DYSF: variants seen among roughly 807,000 people sequenced by gnomAD.
DYSF encodes the protein dysferlin, also known as dystrophy-associated fer-1-like 1.
DYSF carries 212 observed loss-of-function variants against 274.9 expected under a neutral mutation model. The ratio of observed to expected loss-of-function variants is 0.77; its 90% CI spans 0.69 to 0.86. The LOEUF (loss-of-function observed/expected upper bound fraction) is 0.86. DYSF is among the 40% of genes least tolerant of loss of function. The probability of loss-of-function intolerance (pLI) is 0.00; values close to 1 mark genes in which losing one functional copy is unlikely to be tolerated. For synonymous variants in DYSF, 1,091 were observed against 1,078.7 expected (o/e 1.01, Z -0.22); for missense variants, 2,666 against 2,783.2 (o/e 0.96, Z 0.95).
rs754820811 is a variant in DYSF, at chr2:71,526,285, C to T, written c.1215C>T (p.Gly405=). 5.3e-5 allele frequency: 86 copies of T among 1,614,136 alleles called. No individual in the cohort carries two copies. The South Asian group carries it at 7.5e-4, about 14-fold the overall frequency. The part of the protein sequence containing the change: ...DIESNLLRPT[G]VALRGAHFCL... ...AAAGCAACCTGCTCCGGCCCACAGG[C>T]GTAGCCCTGCGAGGAGCCCACTTCT... The change falls in exon 13 of 56, where the codon GGC becomes GGT. Residue 405 remains glycine, a synonymous_variant. Transcript: ENST00000410020.
chr2:71,537,348 C>T lies in DYSF; in HGVS notation c.1494-1809C>T, dbSNP rs143141608. 3.7e-4 allele frequency among the ~76,000 whole-genome samples: 55 copies of T among 148,040 alleles called. 1 individual carries two copies. The East Asian group carries it at 6.0e-3, about 16-fold the overall frequency. The stretch of plus-strand genomic sequence containing the variant: ...GCAACCTCTGCCTCCCAGGTTCAAG[C>T]GATTCTCCTGCCTCAGCCTCCCGAG... On this transcript the variant is annotated intron_variant, in intron 16 of 55. Transcript: ENST00000410020.
chr2:71,504,991 A>G (rs976208616), intron 4 of DYSF, among the ~76,000 whole-genome samples: 5 of 152,168 alleles, frequency 3.3e-5, no homozygotes, highest in Non-Finnish European at 7.3e-5. Context: ...CGTGTCTCCA[A>G]AAAGAGTGTG....
At position 71,681,130 on chromosome 2, in the gene DYSF, G is replaced by A. The variant is rs767001638; in HGVS notation, c.6173+20G>A. The A allele has an allele frequency of 5.6e-6, 9 of 1,607,210 alleles. No individual in the cohort carries two copies. The highest frequency in any genetic ancestry group is 7.7e-6 in the Non-Finnish European group (9 of 1,174,782). On this transcript the variant is annotated intron_variant, in intron 54 of 55. Transcript: ENST00000410020. ...CCCAAGGTCAGTGCCCAGCCCCTGAGCCCCAATGCCCACAGGTCTGGGGGT... is the reference window on the plus strand; with the variant it reads ...CCCAAGGTCAGTGCCCAGCCCCTGAACCCCAATGCCCACAGGTCTGGGGGT...
chr2:71,620,692 G>A, intron 41 of DYSF, 83 bp downstream of exon 41: 1 of 1,345,810 alleles, frequency 7.4e-7, no homozygotes, highest in Admixed American at 2.0e-5. Flanking sequence ...AAATGGGAGG[G>A]GAGAGTGGGA....
chr2:71,658,138 G>A lies in DYSF; in HGVS notation c.4756-740G>A, dbSNP rs375631029. 2.2e-3 allele frequency among the ~76,000 whole-genome samples: 341 copies of A among 152,176 alleles called. 1 individual carries two copies. Among genetic ancestry groups the A allele is most frequent in the South Asian group, 1.0e-2 (48 of 4,818 alleles). ...TTTCTTCTGCCAGATACCCTAAATC[G>A]TCTCTCTCCAGTTCAAAGCTCCACA... On this transcript the variant is annotated intron_variant, in intron 43 of 55. Transcript: ENST00000410020.
rs369161724 is a variant in DYSF at position 71,542,263 on chromosome 2, A to G, written c.1576+3024A>G. Among the ~76,000 whole-genome samples the G allele has an allele frequency of 9.2e-5, 14 of 152,364 alleles. 1 individual carries two copies. In the East Asian group the frequency reaches 2.5e-3, roughly 27 times the overall value. Reference sequence around the variant, plus strand: ...GTAACATTTGCTGTTTATCATCATTAAGATGGGCTTTCTATGTTGCTAATC... The same window carrying G: ...GTAACATTTGCTGTTTATCATCATTGAGATGGGCTTTCTATGTTGCTAATC... On this transcript the variant is annotated intron_variant, in intron 17 of 55. Transcript: ENST00000410020.
At chr2:71,583,881 C>A (rs532700905) in intron 30 of DYSF, among the ~76,000 whole-genome samples, 3 of 152,298 alleles carry the variant, frequency 2.0e-5, no homozygotes, top group East Asian at 1.9e-4. Context: ...CTCTGGGGAC[C>A]CCTGGGGGAG....
At chr2:71,561,697 G>A in intron 22 of DYSF, 55 bp from the exon 23 acceptor site, 1 of 1,608,926 alleles carries the variant, frequency 6.2e-7, no homozygotes. Context: ...TGCATGCCTG[G>A]ACCTGGGAGA....
At position 71,547,537 on chromosome 2, in the gene DYSF, G is replaced by T. The variant is rs1031367160; in HGVS notation, c.1577-3504G>T. On this transcript the variant is annotated intron_variant, in intron 17 of 55. Transcript: ENST00000410020. Reference sequence around the variant, plus strand: ...GGCACCTGGAATCATAGCTACTTGGGAGGCTGAGGCAGAATTGCTGGAACC... The same window carrying T: ...GGCACCTGGAATCATAGCTACTTGGTAGGCTGAGGCAGAATTGCTGGAACC... Among the ~76,000 whole-genome samples, 3 of 152,330 alleles carry T rather than the reference G, an allele frequency of 2.0e-5. No homozygotes were observed. The South Asian group carries it at 6.2e-4, about 32-fold the overall frequency.
intron 40 of DYSF, among the ~76,000 whole-genome samples, chr2:71,618,593 GTGGTAGAGGTGGTGGGT>G: frequency 1.8e-5 from 1 of 57,126 alleles, no homozygotes; most frequent in African/African-American, 4.2e-5. Context: ...TTGTGTGTGT[GTGGTAGAGGTGGTGGGT>G]GTGGTAGAGG....
intron 19 of DYSF, 101 bp downstream of exon 19, chr2:71,551,821 C>A: frequency 2.1e-6 from 2 of 950,102 alleles, no homozygotes; most frequent in African/African-American, 1.6e-5. Context: ...GAGGAGGAAG[C>A]TCTGCCCACA....
chr2:71,678,544 G>A (rs2152967205), intron 52 of DYSF, among the ~76,000 whole-genome samples: 1 of 152,272 alleles, frequency 6.6e-6, no homozygotes, highest in Non-Finnish European at 1.5e-5. Flanking sequence ...GAGGAATGGG[G>A]AGTTATTGCT....
intron 42 of DYSF, among the ~76,000 whole-genome samples, chr2:71,645,725 A>G (rs568677807): frequency 1.3e-5 from 2 of 152,132 alleles, no homozygotes; most frequent in East Asian, 3.9e-4. Context: ...CCCGTTCTGT[A>G]TCAGTTATTT....
intron 4 of DYSF, among the ~76,000 whole-genome samples, chr2:71,510,323 C>T (rs76816273): frequency 0.014 from 2,063 of 152,290 alleles, 50 homozygotes; most frequent in Non-Finnish European, 0.014. Flanking sequence ...GGCATCTGGG[C>T]GGAGGGGAGG....
At position 71,514,694 on chromosome 2, in the gene DYSF, A is replaced by G. The variant is rs527845148; in HGVS notation, c.759+773A>G. ...AGAATCTTAAATCTCTATTTATAATACTAAGTGCAACAAATTGCAAAAATA... is the reference window on the plus strand; with the variant it reads ...AGAATCTTAAATCTCTATTTATAATGCTAAGTGCAACAAATTGCAAAAATA... On this transcript the variant is annotated intron_variant, in intron 7 of 55. Coordinates refer to ENST00000410020, the MANE Select transcript of DYSF (RefSeq NM_001130987.2). 3.3e-5 allele frequency among the ~76,000 whole-genome samples: 5 copies of G among 152,264 alleles called. No homozygotes were observed. The South Asian group carries it at 8.3e-4, about 25-fold the overall frequency.
At chr2:71,513,572 TGGGGAGG>T in intron 6 of DYSF, 137 bp from the exon 7 acceptor site, 1 of 899,860 alleles carries the variant, frequency 1.1e-6, no homozygotes. Context: ...GGCTCACTGA[TGGGGAGG>T]GAGGAGGGAG....
At chr2:71,526,640 C>G (rs1481419839) in intron 13 of DYSF, among the ~76,000 whole-genome samples, 2 of 152,256 alleles carry the variant, frequency 1.3e-5, no homozygotes, top group Admixed American at 6.5e-5. Flanking sequence ...TCAGCACCAT[C>G]TGGACTCTAT....
chr2:71,477,173 A>G (rs1381775119), intron 1 of DYSF, among the ~76,000 whole-genome samples: 1 of 152,160 alleles, frequency 6.6e-6, no homozygotes, highest in African/African-American at 2.4e-5. Flanking sequence ...CACAAGCAGG[A>G]GCACTGGGAC....
In DYSF at chr2:71,568,031, G is replaced by C. The variant is rs2092209591; in HGVS notation, c.2646G>C (p.Glu882Asp). 1.2e-6 allele frequency: 2 copies of C among 1,614,082 alleles called. No homozygotes were observed. Among genetic ancestry groups the C allele is most frequent in the Admixed American group, 1.7e-5 (1 of 60,008 alleles). The change falls in exon 25 of 56, where the codon GAG (glutamate) becomes GAC (aspartate). Residue 882 changes from glutamate to aspartate, a missense_variant. Physicochemically the swap from Glu to Asp is conservative, Grantham distance 45 (BLOSUM62 2). Coordinates refer to ENST00000410020, the MANE Select transcript of DYSF (RefSeq NM_001130987.2). ...TGTGGTTTGGGCTCTCAGTGGATGA[G>C]AAGGAGTTCAACCAGTTTGCTGAGG... ...VKLWFGLSVD[E>D]KEFNQFAEGK...
Sources: allele counts gnomAD v4.1 joint callset (sites outside exome capture counted in the v4.1 genomes callset), GRCh38; gene constraint gnomAD v4.1.1; transcripts MANE v1.5; gene names NCBI Gene and HGNC (gene_info 2026-07-23, HGNC 2026-07-21).